Variants in TRRAP observed in about 807,000 individuals in gnomAD.
TRRAP encodes transformation/transcription domain associated protein, also known as transformation/transcription domain-associated protein.
A neutral mutation model predicts 438.8 loss-of-function variants in TRRAP; 41 were observed. The ratio of observed to expected loss-of-function variants is 0.09; its 90% CI spans 0.07 to 0.12. TRRAP has a LOEUF of 0.12. TRRAP is among the 10% of genes least tolerant of loss of function. The probability of loss-of-function intolerance (pLI) is 1.00; values close to 1 mark genes in which losing one functional copy is unlikely to be tolerated. For synonymous variants in TRRAP, 1,994 were observed against 1,962.9 expected, an observed-to-expected ratio of 1.02 and a Z score of -0.42; for missense variants, 3,122 against 5,055.1, an observed-to-expected ratio of 0.62 and a Z score of 11.60.
chr7:98,934,252 G>A (rs1015087100), intron 27 of TRRAP, among the ~76,000 whole-genome samples: 4 of 152,196 alleles, frequency 2.6e-5, no homozygotes, highest in Non-Finnish European at 5.9e-5. Context: ...CATTGTCAGA[G>A]TATACCGCGG....
At chr7:98,911,726 G>A (rs1789283431) in intron 17 of TRRAP, among the ~76,000 whole-genome samples, 1 of 150,834 alleles carries the variant, frequency 6.6e-6, no homozygotes, top group South Asian at 2.1e-4. Flanking sequence ...AGATCGCACC[G>A]CTGCACTCCA....
intron 35 of TRRAP, among the ~76,000 whole-genome samples, chr7:98,949,042 G>A (rs985502885): frequency 9.2e-5 from 14 of 152,298 alleles, no homozygotes; most frequent in African/African-American, 1.9e-4. Flanking sequence ...AGACCAGCAT[G>A]GGCAACAGAG....
At position 98,976,738 on chromosome 7, in the gene TRRAP, T is replaced by A. The variant is rs763804956; in HGVS notation, c.8215T>A (p.Tyr2739Asn). 3 of 1,613,898 alleles carry A rather than the reference T, an allele frequency of 1.9e-6. 1 individual carries two copies. The South Asian group carries it at 3.3e-5, about 18-fold the overall frequency. ...TAAGCCGAAGCAAACAACGGAGTTT[T>A]ATGAGCAGGAGAGCATCACCCCGCC... ...QIKPKQTTEF[Y>N]EQESITPPQQ... The change falls in exon 55 of 73, where the codon TAT (tyrosine) becomes AAT (asparagine). Residue 2739 changes from tyrosine to asparagine, a missense_variant. Around this residue, in one of 24 missense-constraint regions of TRRAP, gnomAD observed 992 missense variants for 1,281.2 expected, o/e 0.77. Coordinates refer to ENST00000456197, the MANE Select transcript of TRRAP (RefSeq NM_001375524.1). This position sits in a 1 kb window ranked among gnomAD's most constrained non-coding sequence, Gnocchi z 4.6.
chr7:98,878,563 G>T lies in TRRAP; in HGVS notation c.-136G>T, dbSNP rs1562920120. On this transcript the variant is annotated 5_prime_UTR_variant, in exon 1 of 73. Coordinates refer to ENST00000456197, the MANE Select transcript of TRRAP (RefSeq NM_001375524.1). ...GGGCGGGACTGCGCGCGGCCGAGCG[G>T]TTGCGACGAGGGCTCGGCTGGGGGT... 1.3e-5 allele frequency: 2 copies of T among 151,356 alleles called. No individual in the cohort carries two copies. The allele number at this position is 151,356 out of a possible 1,614,324, so 9.4% of individuals were successfully genotyped here. A position where few individuals can be genotyped will look rare whatever the true frequency, so the allele number is the denominator to read the frequency against.
At chr7:98,969,452 C>T (rs1562964969) in intron 51 of TRRAP, among the ~76,000 whole-genome samples, 4 of 152,262 alleles carry the variant, frequency 2.6e-5, no homozygotes. Context: ...ACATGCCTGG[C>T]TGTGTCCTTC....
Position 98,880,262 on chromosome 7 carries a change from G to T in TRRAP, c.-61-828G>T, listed in dbSNP as rs372901154. Among the ~76,000 whole-genome samples the T allele has an allele frequency of 5.4e-3, 713 of 132,076 alleles. 6 individuals are homozygous for T. The highest frequency in any genetic ancestry group is 0.018 in the African/African-American group (623 of 34,994). 86.6% of individuals were successfully genotyped at this position (132,076 alleles called of 152,430 possible). On this transcript the variant is annotated intron_variant, in intron 1 of 72. Transcript: ENST00000456197. ...CTGCCTGCGTTTTGTTGTTGTTGTT[G>T]TTTTTTTTTTTTTTTTTCCGAGACT...
At chr7:98,903,550 T>TGCTA in intron 12 of TRRAP, 33 bp downstream of exon 12, 1 of 1,611,880 alleles carries the variant, frequency 6.2e-7, no homozygotes, top group Non-Finnish European at 8.5e-7. Context: ...TGAATGCTGA[T>TGCTA]GCTAGTCCTG....
intron 64 of TRRAP, among the ~76,000 whole-genome samples, chr7:98,991,423 C>A (rs1340275424): frequency 6.6e-6 from 1 of 152,262 alleles, no homozygotes; most frequent in East Asian, 1.9e-4. Context: ...CCTGGTTTTC[C>A]TTGAGGAGGC....
chr7:98,931,355 C>G (rs782608184), intron 25 of TRRAP, 50 bp from the exon 26 acceptor site: 2 of 1,592,430 alleles, frequency 1.3e-6, no homozygotes, highest in Non-Finnish European at 1.7e-6. Context: ...ACGGCAGTTG[C>G]AGTGGGTGGC....
rs868906292 is a variant in TRRAP, at chr7:98,918,876, C to T, written c.2622+1197C>T. Among the ~76,000 whole-genome samples the T allele has an allele frequency of 7.3e-5, 11 of 151,086 alleles. No individual in the cohort carries two copies. The South Asian group carries it at 2.3e-3, about 32-fold the overall frequency. ...TTTGAAACCAGCCTGGCCAACATGG[C>T]GAAACCCTGTCTCTACTAAAAATAC... On this transcript the variant is annotated intron_variant, in intron 20 of 72. Transcript: ENST00000456197.
chr7:98,930,370 A>T (rs1790270655), intron 24 of TRRAP, among the ~76,000 whole-genome samples, 164 bp downstream of exon 24: 1 of 152,124 alleles, frequency 6.6e-6, no homozygotes, highest in South Asian at 2.1e-4. Context: ...TGAGGTTGGG[A>T]GTTCGAGACC....
rs373122871 is a variant in TRRAP, at chr7:99,004,302, C to T, written c.10422C>T (p.Leu3474=). The T allele has an allele frequency of 1.9e-6, 3 of 1,614,130 alleles. No individual in the cohort carries two copies. The highest frequency in any genetic ancestry group is 2.7e-5 in the African/African-American group (2 of 74,944). The change falls in exon 68 of 73, where the codon CTC becomes CTT. Residue 3474 remains leucine, a synonymous_variant. Transcript: ENST00000456197. The stretch of plus-strand genomic sequence containing the variant: ...CCAAGCAACTCCCCAAATTCTTCCT[C>T]ATAGAGGAAAAGTGCCGGTTCTTGA... ...AKTKQLPKFF[L]IEEKCRFLSN...
Position 98,933,234 on chromosome 7 carries a change from TC to T in TRRAP, c.3853-3del. On this transcript the variant is annotated splice_region_variant and splice_polypyrimidine_tract_variant and intron_variant, in intron 26 of 72. Transcript: ENST00000456197. ...GGTGAGTGGTGCCTCCTCCTTGGCT[TC>T]CCCAGGTCCTGCAGGATATGGTCCC... The T allele has an allele frequency of 6.2e-7, 1 of 1,607,760 alleles. No individual in the cohort carries two copies. The highest frequency in any genetic ancestry group is 8.5e-7 in the Non-Finnish European group (1 of 1,176,790).
intron 39 of TRRAP, among the ~76,000 whole-genome samples, chr7:98,952,195 A>G (rs782678035): frequency 1.3e-5 from 2 of 152,238 alleles, no homozygotes; most frequent in Non-Finnish European, 2.9e-5. Context: ...CTGCCATTAT[A>G]CTTGATTTAA....
intron 33 of TRRAP, among the ~76,000 whole-genome samples, chr7:98,947,666 G>A (rs1791146982): frequency 6.6e-6 from 1 of 152,190 alleles, no homozygotes; most frequent in Non-Finnish European, 1.5e-5. Context: ...ATGTTGGCCA[G>A]GCTGGTCTCG....
intron 62 of TRRAP, among the ~76,000 whole-genome samples, chr7:98,986,772 C>G (rs1276148424): frequency 6.6e-6 from 1 of 152,164 alleles, no homozygotes; most frequent in African/African-American, 2.4e-5. Flanking sequence ...AAACCATACC[C>G]TAATCCAGGA....
intron 48 of TRRAP, 108 bp from the exon 49 acceptor site, chr7:98,965,588 T>A: frequency 1.4e-6 from 2 of 1,464,016 alleles, no homozygotes; most frequent in South Asian, 2.4e-5. Flanking sequence ...GGAAAAAACA[T>A]TGAGGGGGAA....
intron 27 of TRRAP, among the ~76,000 whole-genome samples, chr7:98,935,335 A>G (rs1562949280): frequency 6.6e-6 from 1 of 152,172 alleles, no homozygotes; most frequent in Admixed American, 6.6e-5. Context: ...TGAGAAAAAA[A>G]CATGGTGGTA....
In TRRAP at chr7:99,004,700, C is replaced by T. The variant is rs112256963; in HGVS notation, c.10535+285C>T. Among the ~76,000 whole-genome samples the T allele has an allele frequency of 3.9e-3, 595 of 152,302 alleles. 2 individuals carry two copies. Among genetic ancestry groups the T allele is most frequent in the African/African-American group, 0.013 (520 of 41,554 alleles). On this transcript the variant is annotated intron_variant, in intron 68 of 72. Coordinates refer to ENST00000456197, the MANE Select transcript of TRRAP (RefSeq NM_001375524.1). ...TGTGTGTCCCACTCTTGTAAATCCT[C>T]GAAGCACAGTATTGAGGCAGAATCA...
Sources: allele counts gnomAD v4.1 joint callset (sites outside exome capture counted in the v4.1 genomes callset), GRCh38; gene constraint gnomAD v4.1.1; regional missense constraint gnomAD v4.1.1; non-coding constraint Gnocchi (gnomAD v3.1); transcripts MANE v1.5; gene names NCBI Gene and HGNC (gene_info 2026-07-23, HGNC 2026-07-21).